ANKRD6: variants seen among roughly 807,000 people sequenced by gnomAD.
The protein encoded by ANKRD6 is ankyrin repeat domain-containing protein 6.
Under a neutral mutation model 82.3 loss-of-function variants are expected in ANKRD6, and 56 were observed. That is an observed-to-expected ratio of 0.68 (90% CI 0.55 to 0.85). The LOEUF (loss-of-function observed/expected upper bound fraction) is 0.85. Among genes scored for constraint, ANKRD6 ranks in the 40% least tolerant of loss-of-function variants. The probability of loss-of-function intolerance (pLI) is 0.00; values close to 1 mark genes in which losing one functional copy is unlikely to be tolerated. For synonymous variants in ANKRD6, 347 were observed against 352.1 expected (o/e 0.99, Z 0.16); for missense variants, 852 against 907.6 (o/e 0.94, Z 0.79).
chr6:89,628,183 C>T (rs929326984), intron 14 of ANKRD6: 1 of 162,142 alleles, frequency 6.2e-6, no homozygotes, highest in African/African-American at 2.4e-5. Context: ...GTAGATAGCT[C>T]TCTGCTTGGG....
chr6:89,612,216 A>C, intron 5 of ANKRD6, 56 bp from the exon 6 acceptor site: 1 of 1,480,460 alleles, frequency 6.8e-7, no homozygotes, highest in South Asian at 1.2e-5. Context: ...AAGGCATGCA[A>C]GTCTGTGCGG....
At chr6:89,488,730 A>T (rs1777654291) in intron 1 of ANKRD6, among the ~76,000 whole-genome samples, 1 of 152,146 alleles carries the variant, frequency 6.6e-6, no homozygotes, top group Non-Finnish European at 1.5e-5. Context: ...TGAATACTTG[A>T]CTCATTTTGA....
At chr6:89,590,892 C>T (rs1435520269) in intron 2 of ANKRD6, among the ~76,000 whole-genome samples, 1 of 152,146 alleles carries the variant, frequency 6.6e-6, no homozygotes, top group Admixed American at 6.5e-5. Context: ...ATAGAATTAG[C>T]TAACGTGTAA....
At chr6:89,592,693 T>C (rs1370711803) in intron 2 of ANKRD6, among the ~76,000 whole-genome samples, 1 of 152,162 alleles carries the variant, frequency 6.6e-6, no homozygotes, top group Non-Finnish European at 1.5e-5. Flanking sequence ...AGACATTTGC[T>C]CCTCATGGTT....
chr6:89,633,758 C>G lies in ANKRD6; in HGVS notation c.*2754C>G, dbSNP rs1807853478. On this transcript the variant is annotated 3_prime_UTR_variant, in exon 16 of 16. Transcript: ENST00000339746. ...GTCTTCTAATTAATATTTTTATCAC[C>G]TTGAATTTGTGTCTCTTCCAAGCAT... is the stretch of plus-strand genomic sequence containing the variant. The G allele has an allele frequency of 6.6e-6, 1 of 152,048 alleles. No homozygotes were observed. The highest frequency in any genetic ancestry group is 2.1e-4 in the South Asian group (1 of 4,834). 9.4% of individuals were successfully genotyped at this position (152,048 alleles called of 1,614,324 possible).
chr6:89,501,447 A>T (rs1056274003), intron 1 of ANKRD6, among the ~76,000 whole-genome samples: 3 of 151,906 alleles, frequency 2.0e-5, no homozygotes, highest in East Asian at 3.9e-4. Flanking sequence ...GTTGCTTGGA[A>T]CTCCTTAAGC....
chr6:89,605,500 T>C (rs1161193613), intron 4 of ANKRD6, among the ~76,000 whole-genome samples: 2 of 152,200 alleles, frequency 1.3e-5, no homozygotes, highest in Non-Finnish European at 2.9e-5. Context: ...TGGGTGAGAT[T>C]AAGTTTCAGT....
chr6:89,473,730 G>A (rs1251088540), intron 1 of ANKRD6, among the ~76,000 whole-genome samples: 2 of 152,078 alleles, frequency 1.3e-5, no homozygotes, highest in African/African-American at 4.8e-5. Flanking sequence ...TGTAATTCTA[G>A]CACTTTGGGT....
chr6:89,472,059 G>A (rs1230126569), intron 1 of ANKRD6, among the ~76,000 whole-genome samples: 1 of 151,778 alleles, frequency 6.6e-6, no homozygotes, highest in African/African-American at 2.4e-5. Context: ...GCTTCTGGTG[G>A]TTGCTGGCAA....
At chr6:89,555,827 T>C (rs1786519491) in intron 1 of ANKRD6, among the ~76,000 whole-genome samples, 1 of 151,926 alleles carries the variant, frequency 6.6e-6, no homozygotes, top group African/African-American at 2.4e-5. Flanking sequence ...GTCACTGAGG[T>C]TCCAAGGAGA....
intron 1 of ANKRD6, among the ~76,000 whole-genome samples, chr6:89,470,274 AAAAC>A (rs1478526963): frequency 6.6e-6 from 1 of 152,224 alleles, no homozygotes; most frequent in Non-Finnish European, 1.5e-5. Context: ...AATCCTCAGG[AAAAC>A]GTTACTGAAA....
chr6:89,553,286 G>A (rs936600354), intron 1 of ANKRD6, among the ~76,000 whole-genome samples: 4 of 152,186 alleles, frequency 2.6e-5, no homozygotes, highest in African/African-American at 7.2e-5. Context: ...TCACACAGCC[G>A]ACTGATAGCA....
chr6:89,619,189 A>G (rs1177360540), intron 9 of ANKRD6, among the ~76,000 whole-genome samples: 2 of 152,200 alleles, frequency 1.3e-5, no homozygotes, highest in Non-Finnish European at 2.9e-5. Context: ...AGCTCCCGAC[A>G]AAAGAAAGTC....
intron 9 of ANKRD6, chr6:89,618,244 T>C: frequency 1.4e-6 from 1 of 693,670 alleles, no homozygotes; most frequent in Non-Finnish European, 2.6e-6. Flanking sequence ...CGCCTCATCT[T>C]CTCCCTGTGG....
chr6:89,541,645 G>T (rs1784464204), intron 1 of ANKRD6, among the ~76,000 whole-genome samples: 1 of 151,544 alleles, frequency 6.6e-6, no homozygotes, highest in Non-Finnish European at 1.5e-5. Context: ...GCCTGCCTCG[G>T]CCCCCCAGTA....
chr6:89,623,945 A>C lies in ANKRD6; in HGVS notation c.1106A>C (p.Asn369Thr), dbSNP rs1804621054. The C allele has an allele frequency of 1.9e-6, 3 of 1,613,918 alleles. No individual in the cohort carries two copies. Among genetic ancestry groups the C allele is most frequent in the Non-Finnish European group, 2.5e-6 (3 of 1,179,852 alleles). The change falls in exon 12 of 16, where the codon AAT becomes ACT. Residue 369 changes from asparagine (N) to threonine (T), a missense_variant. Physicochemically the swap from Asn to Thr is moderately conservative, Grantham distance 65. Transcript: ENST00000339746. Reference sequence around the variant, plus strand: ...CACCAGAAGAACCTGCATGCTCATAATCACCCTAAAAAGAGGAACAGGCAT... The same window carrying C: ...CACCAGAAGAACCTGCATGCTCATACTCACCCTAAAAAGAGGAACAGGCAT... ...PGHQKNLHAH[N>T]HPKKRNRHRC... is the part of the protein sequence containing the mutation.
chr6:89,488,159 C>T (rs1038847977), intron 1 of ANKRD6, among the ~76,000 whole-genome samples: 1 of 152,232 alleles, frequency 6.6e-6, no homozygotes, highest in East Asian at 1.9e-4. Context: ...CATGTTGTGA[C>T]CTAGCCAGCC....
intron 1 of ANKRD6, among the ~76,000 whole-genome samples, chr6:89,463,798 G>A (rs570674234): frequency 6.8e-4 from 103 of 152,046 alleles, no homozygotes; most frequent in African/African-American, 2.4e-3. Flanking sequence ...TGATCTGCCC[G>A]CCTTGGCCTC....
At chr6:89,461,163 C>G (rs907115272) in intron 1 of ANKRD6, among the ~76,000 whole-genome samples, 2 of 152,202 alleles carry the variant, frequency 1.3e-5, no homozygotes, top group Admixed American at 6.5e-5. Flanking sequence ...AACCGTCAGT[C>G]TCTGCCTCCT....
Sources: allele counts gnomAD v4.1 joint callset (sites outside exome capture counted in the v4.1 genomes callset), GRCh38; gene constraint gnomAD v4.1.1; transcripts MANE v1.5; gene names NCBI Gene and HGNC (gene_info 2026-07-23, HGNC 2026-07-21).